HSDL2: variants seen among roughly 807,000 people sequenced by gnomAD.
The protein encoded by HSDL2 is hydroxysteroid dehydrogenase-like protein 2.
Under a neutral mutation model 46.3 loss-of-function variants are expected in HSDL2, and 27 were observed. The ratio of observed to expected loss-of-function variants is 0.58; its 90% confidence interval spans 0.43 to 0.80. The LOEUF (loss-of-function observed/expected upper bound fraction) is 0.80. HSDL2 is among the 30% of genes least tolerant of loss of function. HSDL2 has a pLI of 0.00. For synonymous variants in HSDL2, 153 were observed against 163.6 expected (o/e 0.94, Z 0.50); for missense variants, 451 against 502.7 (o/e 0.90, Z 0.98).
rs907196333 is a variant in HSDL2 at position 112,438,565 on chromosome 9, G to C, written c.733G>C (p.Asp245His). The change falls in exon 7 of 11, where the codon GAT becomes CAT. Residue 245 changes from aspartate (D) to histidine (H), a missense_variant. Transcript: ENST00000398805. The part of the protein sequence containing the change: ...PKSFTGNFVI[D>H]ENILKEEGIE... The stretch of plus-strand genomic sequence containing the variant: ...AAGTTTTACTGGCAACTTTGTCATT[G>C]ATGAAAATATCTTAAAAGAAGAAGG... 1 of 1,611,550 alleles carries C rather than the reference G, an allele frequency of 6.2e-7. No individual in the cohort carries two copies. The highest frequency in any genetic ancestry group is 8.5e-7 in the Non-Finnish European group (1 of 1,178,532).
intron 1 of HSDL2, among the ~76,000 whole-genome samples, chr9:112,389,221 C>G (rs905291422): frequency 1.3e-5 from 2 of 152,040 alleles, no homozygotes; most frequent in African/African-American, 4.8e-5. Context: ...GACAGGGTCT[C>G]ACTATGTTGC....
intron 8 of HSDL2, among the ~76,000 whole-genome samples, chr9:112,450,062 T>G (rs1487308066): frequency 2.6e-5 from 4 of 152,224 alleles, no homozygotes; most frequent in Admixed American, 1.3e-4. Flanking sequence ...TTAACATAGC[T>G]TTGGCTACAT....
intron 6 of HSDL2, among the ~76,000 whole-genome samples, chr9:112,434,452 CACTA>C (rs761694941): frequency 2.4e-4 from 37 of 152,218 alleles, no homozygotes; most frequent in Non-Finnish European, 4.6e-4. Context: ...AAAACCTGTT[CACTA>C]ACTAGGTTAA....
Position 112,418,917 on chromosome 9 carries a change from T to C in HSDL2, c.557T>C (p.Phe186Ser). Residue 186 changes from phenylalanine to serine, a missense_variant, in exon 6 of 11, where the codon TTT (phenylalanine) becomes TCT (serine). By Grantham distance (155) the Phe-to-Ser change is radical (BLOSUM62 -2). Coordinates refer to ENST00000398805, the MANE Select transcript of HSDL2 (RefSeq NM_032303.5). ...SMYVLGMAEE[F>S]KGEIAVNALW... ...TATGTGCTTGGAATGGCAGAAGAAT[T>C]TAAAGGTGAAATTGCAGTCAATGCA... 1 of 1,606,250 alleles carries C rather than the reference T, an allele frequency of 6.2e-7. No homozygotes were observed. The highest frequency in any genetic ancestry group is 8.5e-7 in the Non-Finnish European group (1 of 1,174,622).
At chr9:112,438,002 C>G (rs1259947164) in intron 6 of HSDL2, among the ~76,000 whole-genome samples, 1 of 152,124 alleles carries the variant, frequency 6.6e-6, no homozygotes, top group Non-Finnish European at 1.5e-5. Context: ...AATCCCAGCA[C>G]TTTGGGAGGC....
chr9:112,452,442 A>G (rs1832909053), intron 8 of HSDL2, among the ~76,000 whole-genome samples: 1 of 152,142 alleles, frequency 6.6e-6, no homozygotes, highest in Admixed American at 6.5e-5. Context: ...GTGATTCTAG[A>G]ATGATAAATA....
chr9:112,402,733 C>T (rs964379285), intron 1 of HSDL2, among the ~76,000 whole-genome samples: 5 of 151,656 alleles, frequency 3.3e-5, no homozygotes, highest in African/African-American at 1.2e-4. Flanking sequence ...CCAGCCTGGC[C>T]AACATGGTGA....
chr9:112,396,079 T>G (rs530419888), intron 1 of HSDL2, among the ~76,000 whole-genome samples: 6 of 152,334 alleles, frequency 3.9e-5, no homozygotes, highest in Admixed American at 3.9e-4. Flanking sequence ...ACAAACCCCA[T>G]GTTTTCCATT....
At chr9:112,413,772 C>T (rs1275105459) in intron 4 of HSDL2, among the ~76,000 whole-genome samples, 1 of 152,144 alleles carries the variant, frequency 6.6e-6, no homozygotes, top group African/African-American at 2.4e-5. Flanking sequence ...ATTTAATTTA[C>T]TCAGCAAGGC....
chr9:112,404,171 G>A lies in HSDL2; in HGVS notation c.181+13G>A. 1 of 1,609,688 alleles carries A rather than the reference G, an allele frequency of 6.2e-7. No homozygotes were observed. On this transcript the variant is annotated intron_variant, in intron 2 of 10. Coordinates refer to ENST00000398805, the MANE Select transcript of HSDL2 (RefSeq NM_032303.5). ...GCTGCTGAAGAAAGTGAGTGTGACA[G>A]TGCCATTTGATAAAATGTCTTTCTA...
At chr9:112,439,569 ATATT>A (rs1277932362) in intron 7 of HSDL2, among the ~76,000 whole-genome samples, 1 of 152,220 alleles carries the variant, frequency 6.6e-6, no homozygotes, top group Non-Finnish European at 1.5e-5. Context: ...CATAGGAGTT[ATATT>A]TATTTGCGCT....
intron 6 of HSDL2, among the ~76,000 whole-genome samples, chr9:112,428,546 G>T (rs1298013814): frequency 6.6e-6 from 1 of 152,214 alleles, no homozygotes; most frequent in East Asian, 1.9e-4. Flanking sequence ...TTAGTGAGTA[G>T]CAGCCAGAGT....
At chr9:112,441,492 A>G (rs898674625) in intron 7 of HSDL2, among the ~76,000 whole-genome samples, 4 of 152,194 alleles carry the variant, frequency 2.6e-5, no homozygotes, top group African/African-American at 9.6e-5. Flanking sequence ...TTAAATCTTG[A>G]AGATAAAATT....
chr9:112,464,402 C>T (rs1339568230), intron 10 of HSDL2, among the ~76,000 whole-genome samples: 1 of 152,134 alleles, frequency 6.6e-6, no homozygotes, highest in Non-Finnish European at 1.5e-5. Context: ...TTCTGTATTA[C>T]AAAAGTTGTT....
intron 10 of HSDL2, among the ~76,000 whole-genome samples, chr9:112,466,895 C>A (rs1833408514): frequency 6.6e-6 from 1 of 152,084 alleles, no homozygotes; most frequent in Non-Finnish European, 1.5e-5. Flanking sequence ...ATGTGGATAT[C>A]CAGTTATCCC....
At position 112,420,249 on chromosome 9, in the gene HSDL2, G is replaced by A. The variant is rs182405179; in HGVS notation, c.598+1291G>A. ...GAATCACTTGAACTTTGGAAGCAGA[G>A]GTTGCAGTGAACCCAGATTGGACCA... On this transcript the variant is annotated intron_variant, in intron 6 of 10. Transcript: ENST00000398805. 5.2e-3 allele frequency among the ~76,000 whole-genome samples: 793 copies of A among 152,230 alleles called. 11 individuals carry two copies. Among genetic ancestry groups the A allele is most frequent in the African/African-American group, 0.018 (749 of 41,538 alleles).
In HSDL2 at chr9:112,418,710, C is replaced by T. The variant is rs148928281; in HGVS notation, c.500-150C>T. ...ATATACACATGTATATGTATATACA[C>T]ACAGATATATACACATACATATGTA... On this transcript the variant is annotated intron_variant, in intron 5 of 10. Coordinates refer to ENST00000398805, the MANE Select transcript of HSDL2 (RefSeq NM_032303.5). 1,184 of 381,960 alleles carry T rather than the reference C, an allele frequency of 3.1e-3. 5 individuals carry two copies. The highest frequency in any genetic ancestry group is 4.0e-3 in the Middle Eastern group (5 of 1,236). 23.7% of individuals were successfully genotyped at this position (381,960 alleles called of 1,614,324 possible).
At chr9:112,442,268 CAAAAAAAAAA>C (rs71382431) in intron 8 of HSDL2, among the ~76,000 whole-genome samples, 1 of 47,442 alleles carries the variant, frequency 2.1e-5, no homozygotes, top group African/African-American at 7.8e-5. Flanking sequence ...GACCCTGTCT[CAAAAAAAAAA>C]AAAAAAAAAA....
At chr9:112,448,460 C>T (rs1832795779) in intron 8 of HSDL2, among the ~76,000 whole-genome samples, 1 of 152,098 alleles carries the variant, frequency 6.6e-6, no homozygotes, top group Non-Finnish European at 1.5e-5. Context: ...AAACTTGTTA[C>T]ATTTTAAATA....
Sources: gnomAD v4.1 joint callset for allele counts (sites outside exome capture counted in the v4.1 genomes callset) on GRCh38, gnomAD v4.1.1 for gene constraint, MANE v1.5 for transcripts, NCBI Gene and HGNC (gene_info 2026-07-23, HGNC 2026-07-21) for gene names.